STRAP: variants seen among roughly 807,000 people sequenced by gnomAD.
STRAP encodes serine/threonine kinase receptor associated protein, also known as serine-threonine kinase receptor-associated protein.
In STRAP, 16 loss-of-function variants were observed where a neutral mutation model predicts 47.0. That is an observed-to-expected ratio of 0.34 (90% CI 0.23 to 0.52). STRAP has a LOEUF of 0.52. Among genes scored for constraint, STRAP ranks in the 20% least tolerant of loss-of-function variants. STRAP has a pLI of 0.96. For synonymous variants in STRAP, 130 were observed against 142.7 expected, an observed-to-expected ratio of 0.91 and a Z score of 0.63; for missense variants, 293 against 420.0, an observed-to-expected ratio of 0.70 and a Z score of 2.64.
chr12:15,903,210 T>C lies in STRAP; in HGVS notation c.*232T>C, dbSNP rs1189250776. ...ATCCTCTTATAGTACAGTGGCCTGT[T>C]ATCTTTTTAATGAATATATACAAGC... is the stretch of plus-strand genomic sequence containing the variant. On this transcript the variant is annotated 3_prime_UTR_variant, in exon 10 of 10. Coordinates refer to ENST00000419869, the MANE Select transcript of STRAP (RefSeq NM_007178.4). 1.9e-5 allele frequency: 7 copies of C among 359,098 alleles called. No individual in the cohort carries two copies. Among genetic ancestry groups the C allele is most frequent in the Non-Finnish European group, 3.4e-5 (7 of 203,926 alleles). 22.2% of individuals were successfully genotyped at this position (359,098 alleles called of 1,614,324 possible).
intron 2 of STRAP, among the ~76,000 whole-genome samples, chr12:15,885,952 A>ATCAAAATC (rs1407127148): frequency 6.6e-6 from 1 of 152,254 alleles, no homozygotes; most frequent in Non-Finnish European, 1.5e-5. Flanking sequence ...CCCGCACTTG[A>ATCAAAATC]TCAAAATCAC....
At chr12:15,886,426 T>C (rs1947973166) in intron 2 of STRAP, among the ~76,000 whole-genome samples, 1 of 152,198 alleles carries the variant, frequency 6.6e-6, no homozygotes, top group Non-Finnish European at 1.5e-5. Flanking sequence ...GCTCAAGCGA[T>C]CTGCCCACCA....
At position 15,898,033 on chromosome 12, in the gene STRAP, T is replaced by TA; in HGVS notation, c.775+16dup. On this transcript the variant is annotated intron_variant, in intron 7 of 9. Transcript: ENST00000419869. ...AGAAGAATTAGGTGAGTTGTCCCCTTACAGTGATGTGGTTACCTTTATCAT... is the reference window on the plus strand; with the variant it reads ...AGAAGAATTAGGTGAGTTGTCCCCTTAACAGTGATGTGGTTACCTTTATCAT... The TA allele has an allele frequency of 6.3e-7, 1 of 1,594,600 alleles. No homozygotes were observed.
In STRAP at chr12:15,903,029, G is replaced by GA. The variant is rs1948118258; in HGVS notation, c.*52dup. 2.1e-6 allele frequency: 3 copies of GA among 1,444,906 alleles called. No homozygotes were observed. In the Admixed American group the frequency reaches 7.4e-5, roughly 36 times the overall value. 89.5% of individuals were successfully genotyped at this position (1,444,906 alleles called of 1,614,324 possible). A position where few individuals can be genotyped will look rare whatever the true frequency, so the allele number is the denominator to read the frequency against. Reference sequence around the variant, plus strand: ...TACAACTGACTAAAACAAGCAAGCAGAGAAAAGCATCAGCCTTCCAGAGTT... The same window carrying GA: ...TACAACTGACTAAAACAAGCAAGCAGAAGAAAAGCATCAGCCTTCCAGAGTT... On this transcript the variant is annotated 3_prime_UTR_variant, in exon 10 of 10. Coordinates refer to ENST00000419869, the MANE Select transcript of STRAP (RefSeq NM_007178.4).
chr12:15,890,889 G>A lies in STRAP; in HGVS notation c.403+220G>A, dbSNP rs942500926. Among the ~76,000 whole-genome samples, 4 of 151,872 alleles carry A rather than the reference G, an allele frequency of 2.6e-5. No individual in the cohort carries two copies. Among genetic ancestry groups the A allele is most frequent in the Non-Finnish European group, 4.4e-5 (3 of 67,964 alleles). On this transcript the variant is annotated intron_variant, in intron 4 of 9. Coordinates refer to ENST00000419869, the MANE Select transcript of STRAP (RefSeq NM_007178.4). This position sits in a 1 kb window ranked among gnomAD's most constrained non-coding sequence, Gnocchi z 4.5. ...AGCCTGGCCAACATGGCAAAACCCC[G>A]TCTCTATTAAAAATAGAAAAATTAG...
intron 7 of STRAP, among the ~76,000 whole-genome samples, chr12:15,898,752 G>A (rs2136113211): frequency 6.6e-6 from 1 of 152,118 alleles, no homozygotes; most frequent in Non-Finnish European, 1.5e-5. Flanking sequence ...AATATGTTTA[G>A]TTTTTATAAA....
At chr12:15,902,373 T>TG (rs367972748) in intron 9 of STRAP, among the ~76,000 whole-genome samples, 4 of 151,920 alleles carry the variant, frequency 2.6e-5, no homozygotes, top group African/African-American at 9.7e-5. Context: ...GATTGATGAG[T>TG]GGGGGTATCA....
At chr12:15,889,334 T>C (rs972393538) in intron 2 of STRAP, among the ~76,000 whole-genome samples, 25 of 152,118 alleles carry the variant, frequency 1.6e-4, no homozygotes, top group African/African-American at 6.0e-4. Context: ...GCTGATAGTT[T>C]GGGGGAAGTT....
chr12:15,882,883 C>A, intron 1 of STRAP, 64 bp downstream of exon 1: 1 of 1,520,104 alleles, frequency 6.6e-7, no homozygotes, highest in Non-Finnish European at 9.0e-7. Flanking sequence ...TCGGGACCCG[C>A]ACGCTCCAGT....
chr12:15,891,697 C>T (rs1456709478), intron 4 of STRAP, among the ~76,000 whole-genome samples: 1 of 152,186 alleles, frequency 6.6e-6, no homozygotes, highest in African/African-American at 2.4e-5. Context: ...AATCCCAGTG[C>T]TTTGGGAGGC....
intron 6 of STRAP, among the ~76,000 whole-genome samples, chr12:15,895,828 A>G (rs1948054878): frequency 6.9e-6 from 1 of 144,230 alleles, no homozygotes; most frequent in African/African-American, 2.6e-5. Flanking sequence ...TTGACACTGC[A>G]CTCCAGTCTG....
At position 15,885,180 on chromosome 12, in the gene STRAP, GTTT is replaced by G. The variant is rs749702060; in HGVS notation, c.248+1527_248+1529del. On this transcript the variant is annotated intron_variant, in intron 2 of 9. Coordinates refer to ENST00000419869, the MANE Select transcript of STRAP (RefSeq NM_007178.4). Reference sequence around the variant, plus strand: ...TAAGAGGCTAGAGAGTACAAGTGGTGTTTTTTTTTTTTTTTTTTTTTTTTTAAA... The same window carrying G: ...TAAGAGGCTAGAGAGTACAAGTGGTGTTTTTTTTTTTTTTTTTTTTTTAAA... 8.6e-3 allele frequency among the ~76,000 whole-genome samples: 854 copies of G among 99,542 alleles called. 9 individuals carry two copies. The highest frequency in any genetic ancestry group is 0.033 in the African/African-American group (779 of 23,334). The allele number at this position is 99,542 out of a possible 152,430, so 65.3% of individuals were successfully genotyped here.
intron 9 of STRAP, 58 bp downstream of exon 9, chr12:15,901,070 A>T: frequency 4.4e-6 from 6 of 1,353,972 alleles, no homozygotes; most frequent in Non-Finnish European, 5.9e-6. Context: ...ATTGAACTGT[A>T]ACAGAAGTTT....
intron 9 of STRAP, 122 bp downstream of exon 9, chr12:15,901,134 C>G (rs2136114363): frequency 1.5e-6 from 1 of 667,644 alleles, no homozygotes; most frequent in East Asian, 3.1e-5. Flanking sequence ...ATAATGGAAA[C>G]TTTAAATATT....
At position 15,886,196 on chromosome 12, in the gene STRAP, A is replaced by AT. The variant is rs112205733; in HGVS notation, c.248+2535dup. Among the ~76,000 whole-genome samples the AT allele has an allele frequency of 1.7e-3, 249 of 142,920 alleles. 1 individual carries two copies. Among genetic ancestry groups the AT allele is most frequent in the Middle Eastern group, 3.6e-3 (1 of 276 alleles). 93.8% of individuals were successfully genotyped at this position (142,920 alleles called of 152,430 possible). ...GTATTTCCAGTTTGATCATCATAGG[A>AT]TTTTTTTTTTTTTTTGAAACAGGGT... On this transcript the variant is annotated intron_variant, in intron 2 of 9. Coordinates refer to ENST00000419869, the MANE Select transcript of STRAP (RefSeq NM_007178.4).
chr12:15,884,760 T>C (rs942675075), intron 2 of STRAP, among the ~76,000 whole-genome samples: 4 of 152,082 alleles, frequency 2.6e-5, no homozygotes, highest in Non-Finnish European at 5.9e-5. Context: ...TATTGGTGTT[T>C]TTTTATTTTT....
chr12:15,903,333 G>A lies in STRAP; in HGVS notation c.*355G>A, dbSNP rs1029515690. 3.6e-5 allele frequency: 6 copies of A among 168,494 alleles called. No homozygotes were observed. Among genetic ancestry groups the A allele is most frequent in the Non-Finnish European group, 7.5e-5 (6 of 79,502 alleles). 10.4% of individuals were successfully genotyped at this position (168,494 alleles called of 1,614,324 possible). On this transcript the variant is annotated 3_prime_UTR_variant, in exon 10 of 10. Coordinates refer to ENST00000419869, the MANE Select transcript of STRAP (RefSeq NM_007178.4). Reference sequence around the variant, plus strand: ...TTGGCTGATTTTTTCTGATCTTAAAGCAGAATGCCTTTTCTTTTTTTGCTT... The same window carrying A: ...TTGGCTGATTTTTTCTGATCTTAAAACAGAATGCCTTTTCTTTTTTTGCTT...
At chr12:15,895,834 G>A (rs1241464948) in intron 6 of STRAP, among the ~76,000 whole-genome samples, 1 of 137,730 alleles carries the variant, frequency 7.3e-6, no homozygotes, top group East Asian at 2.3e-4. Flanking sequence ...CTGCACTCCA[G>A]TCTGGATGAC....
chr12:15,891,270 T>G (rs904919781), intron 4 of STRAP, among the ~76,000 whole-genome samples: 1 of 152,234 alleles, frequency 6.6e-6, no homozygotes, highest in African/African-American at 2.4e-5. Context: ...GTGTTACTAT[T>G]TTTTGGTAAG....
Sources: allele counts gnomAD v4.1 joint callset (sites outside exome capture counted in the v4.1 genomes callset), GRCh38; gene constraint gnomAD v4.1.1; non-coding constraint Gnocchi (gnomAD v3.1); transcripts MANE v1.5; gene names NCBI Gene and HGNC (gene_info 2026-07-23, HGNC 2026-07-21).